The following PDE1C variants were observed in gnomAD, a reference collection of about 807,000 sequenced individuals.
The protein encoded by PDE1C is phosphodiesterase 1C, also known as dual specificity calcium/calmodulin-dependent 3',5'-cyclic nucleotide phosphodiesterase 1C.
A neutral mutation model predicts 93.1 loss-of-function variants in PDE1C; 62 were observed. That is an observed-to-expected ratio of 0.67 (90% CI 0.54 to 0.82). The LOEUF (loss-of-function observed/expected upper bound fraction) is 0.82. Among genes scored for constraint, PDE1C ranks in the 40% least tolerant of loss-of-function variants. The pLI is 0.00. For missense variants in PDE1C, 742 were observed against 884.6 expected, an observed-to-expected ratio of 0.84 and a Z score of 2.04; for synonymous variants, 325 against 310.1, an observed-to-expected ratio of 1.05 and a Z score of -0.50.
At chr7:31,758,241 C>T (rs1035878346) in intron 17 of PDE1C, among the ~76,000 whole-genome samples, 18 of 151,944 alleles carry the variant, frequency 1.2e-4, no homozygotes, top group African/African-American at 2.9e-4. Flanking sequence ...CCCATGTATA[C>T]GTATGTAACA....
intron 2 of PDE1C, among the ~76,000 whole-genome samples, chr7:31,939,339 G>A (rs895011663): frequency 2.0e-5 from 3 of 152,094 alleles, no homozygotes; most frequent in South Asian, 2.1e-4. Context: ...AGACCACACC[G>A]CTGAGTCTTC....
rs143651998 is a variant in PDE1C at position 31,873,322 on chromosome 7, G to A, written c.579C>T (p.Leu193=). 1 of 1,612,630 alleles carries A rather than the reference G, an allele frequency of 6.2e-7. No homozygotes were observed. The highest frequency in any genetic ancestry group is 8.5e-7 in the Non-Finnish European group (1 of 1,178,684). Residue 193 remains leucine (L), a synonymous_variant, in exon 6 of 18, where the codon CTC becomes CTT. Coordinates refer to ENST00000396191, the MANE Select transcript of PDE1C (RefSeq NM_001191057.4). ...HALKFIFYEL[L]TRYDLISRFK... The stretch of plus-strand genomic sequence containing the variant: ...AACGGCTGATCAGATCATAACGTGT[G>A]AGTAGTTCATAGAAAATAAATTTCA...
intron 11 of PDE1C, 86 bp downstream of exon 11, chr7:31,837,094 T>G: frequency 7.3e-7 from 1 of 1,375,528 alleles, no homozygotes; most frequent in Non-Finnish European, 1.0e-6. Context: ...GTAATCTCAA[T>G]AGTCCTTATC....
chr7:32,128,772 G>C (rs1336152203), intron 3 of PDE1C, among the ~76,000 whole-genome samples: 1 of 150,806 alleles, frequency 6.6e-6, no homozygotes, highest in Non-Finnish European at 1.5e-5. Flanking sequence ...TCTTTGATAA[G>C]GTAATTATCC....
At chr7:31,851,481 G>T (rs978855912) in intron 7 of PDE1C, among the ~76,000 whole-genome samples, 1 of 152,164 alleles carries the variant, frequency 6.6e-6, no homozygotes, top group African/African-American at 2.4e-5. Flanking sequence ...GAAAACTACT[G>T]CTGTGTTTCA....
At chr7:31,786,436 T>C (rs911410963) in intron 16 of PDE1C, 1 of 152,350 alleles carries the variant, frequency 6.6e-6, no homozygotes, top group East Asian at 1.9e-4. Flanking sequence ...GAGTAGGGTA[T>C]GCCTGCATAT....
intron 2 of PDE1C, among the ~76,000 whole-genome samples, chr7:31,909,988 G>A (rs2128935885): frequency 6.6e-6 from 1 of 152,298 alleles, no homozygotes; most frequent in South Asian, 2.1e-4. Context: ...CCCCCAAGTT[G>A]TGACAACTAA....
At chr7:31,872,946 C>T (rs1486089126) in intron 6 of PDE1C, among the ~76,000 whole-genome samples, 1 of 152,162 alleles carries the variant, frequency 6.6e-6, no homozygotes, top group Non-Finnish European at 1.5e-5. Flanking sequence ...TACTGCCCCT[C>T]TGACAGCGTT....
At chr7:32,166,255 G>T (rs1030832733) in intron 3 of PDE1C, among the ~76,000 whole-genome samples, 1 of 152,102 alleles carries the variant, frequency 6.6e-6, no homozygotes, top group African/African-American at 2.4e-5. Context: ...ATTCGCCGGG[G>T]GCAATAGAGT....
intron 2 of PDE1C, among the ~76,000 whole-genome samples, chr7:31,916,144 A>G (rs566038672): frequency 1.3e-5 from 2 of 152,198 alleles, no homozygotes; most frequent in East Asian, 3.9e-4. Flanking sequence ...CATTTTCTCA[A>G]ATGCCAAGGT....
At position 32,095,714 on chromosome 7, in the gene PDE1C, T is replaced by A. The variant is rs138012392; in HGVS notation, c.308+74071A>T. 4.8e-3 allele frequency among the ~76,000 whole-genome samples: 732 copies of A among 152,356 alleles called. 22 individuals carry two copies. The highest frequency in any genetic ancestry group is 0.044 in the Admixed American group (674 of 15,310). On this transcript the variant is annotated intron_variant, in intron 3 of 18. Transcript: ENST00000396193. ...TTAGTTTACAGAATTAGAAAGCTGCTGCTGGGGGTGCTTCTCTGTTTCCTG... is the reference window on the plus strand; with the variant it reads ...TTAGTTTACAGAATTAGAAAGCTGCAGCTGGGGGTGCTTCTCTGTTTCCTG...
intron 17 of PDE1C, among the ~76,000 whole-genome samples, chr7:31,760,009 T>C (rs918113697): frequency 3.3e-5 from 5 of 152,186 alleles, no homozygotes; most frequent in African/African-American, 1.2e-4. Context: ...CATTTATTCA[T>C]ATATCAAATA....
rs11768919 is a variant in PDE1C, at chr7:32,308,968, T to A, written c.311-99429A>T. Among the ~76,000 whole-genome samples the A allele has an allele frequency of 6.8e-3, 1,035 of 151,500 alleles. 7 individuals are homozygous for A. Among genetic ancestry groups the A allele is most frequent in the African/African-American group, 0.024 (990 of 41,230 alleles). On this transcript the variant is annotated intron_variant, in intron 1 of 1. Coordinates refer to the PDE1C transcript ENST00000672256. ...ACTACTCCGAGCTACAGGAGGAAACTCAAACCAATGGCAAAGAAGTTAAAA... is the reference window on the plus strand; with the variant it reads ...ACTACTCCGAGCTACAGGAGGAAACACAAACCAATGGCAAAGAAGTTAAAA...
chr7:31,795,413 C>T (rs1239763769), intron 16 of PDE1C, among the ~76,000 whole-genome samples: 2 of 151,668 alleles, frequency 1.3e-5, no homozygotes, highest in Non-Finnish European at 2.9e-5. Context: ...ACATCTTGAA[C>T]ATCAGTATTA....
In PDE1C at chr7:31,926,984, G is replaced by C. The variant is rs945798960; in HGVS notation, c.129-46124C>G. Among the ~76,000 whole-genome samples the C allele has an allele frequency of 3.3e-5, 5 of 152,158 alleles. No individual in the cohort carries two copies. In the South Asian group the frequency reaches 1.0e-3, roughly 32 times the overall value. On this transcript the variant is annotated intron_variant, in intron 2 of 17. Transcript: ENST00000396191. ...AGAACCGTTCACTCCCCTGGAAAGG[G>C]GGTTGAAGCTAGGGAGCCAAGTGTT...
intron 2 of PDE1C, among the ~76,000 whole-genome samples, chr7:31,915,192 A>G (rs560285948): frequency 2.6e-5 from 4 of 152,148 alleles, no homozygotes; most frequent in Non-Finnish European, 5.9e-5. Flanking sequence ...GTGGGCCATG[A>G]GTCTGTATCC....
intron 1 of PDE1C, among the ~76,000 whole-genome samples, chr7:32,067,740 C>A (rs1255006151): frequency 6.6e-6 from 1 of 152,206 alleles, no homozygotes; most frequent in Non-Finnish European, 1.5e-5. Context: ...AACCTGCATC[C>A]TAGCTAGCTC....
chr7:32,264,241 T>C (rs543030806), intron 1 of PDE1C, among the ~76,000 whole-genome samples: 55 of 152,334 alleles, frequency 3.6e-4, no homozygotes, highest in Non-Finnish European at 5.9e-4. Flanking sequence ...AGAGGAGTTA[T>C]GCAAGATAAT....
chr7:31,856,872 G>A (rs368112137), intron 7 of PDE1C, among the ~76,000 whole-genome samples: 2 of 152,184 alleles, frequency 1.3e-5, no homozygotes, highest in African/African-American at 4.8e-5. Context: ...CGTTTCTGGA[G>A]GAGAAAAGTC....
Sources: allele counts gnomAD v4.1 joint callset (sites outside exome capture counted in the v4.1 genomes callset), GRCh38; gene constraint gnomAD v4.1.1; transcripts MANE v1.5; gene names NCBI Gene and HGNC (gene_info 2026-07-23, HGNC 2026-07-21).